Variants in WDR76 observed in about 807,000 individuals in gnomAD.
WDR76 encodes the protein WD repeat-containing protein 76.
Under a neutral mutation model 70.2 loss-of-function variants are expected in WDR76, and 52 were observed. That is an observed-to-expected ratio of 0.74 (90% CI 0.59 to 0.93). The LOEUF (loss-of-function observed/expected upper bound fraction) is 0.93. Among genes scored for constraint, WDR76 ranks in the 40% least tolerant of loss-of-function variants. WDR76 has a pLI of 0.00. For missense variants in WDR76, 756 were observed against 760.2 expected (o/e 0.99, Z 0.07); for synonymous variants, 292 against 271.1 (o/e 1.08, Z -0.76).
intron 11 of WDR76, among the ~76,000 whole-genome samples, chr15:43,859,820 A>G (rs920122211): frequency 2.6e-5 from 4 of 152,240 alleles, no homozygotes. Flanking sequence ...TATTTAGGCA[A>G]TAAACTCTAG....
At chr15:43,850,488 G>C (rs2930533) in intron 8 of WDR76, among the ~76,000 whole-genome samples, 1 of 151,310 alleles carries the variant, frequency 6.6e-6, no homozygotes, top group African/African-American at 2.4e-5. Context: ...GTAGAGATGG[G>C]GTTTCACCAT....
At chr15:43,827,567 T>C (rs949548106) in intron 1 of WDR76, among the ~76,000 whole-genome samples, 2 of 152,164 alleles carry the variant, frequency 1.3e-5, no homozygotes, top group African/African-American at 4.8e-5. Context: ...TTTTTTGAGC[T>C]TAAGTCTCAC....
chr15:43,857,129 G>A lies in WDR76; in HGVS notation c.1375G>A (p.Val459Met). ...AATAAGAACTGTTCATGTCCACCCA[G>A]TGCATAGACAGTATTTTATCACTGC... ...GKIRTVHVHP[V>M]HRQYFITAGL... The change falls in exon 10 of 13, where the codon GTG (valine) becomes ATG (methionine). Residue 459 changes from valine to methionine, a missense_variant. Transcript: ENST00000263795. The A allele has an allele frequency of 1.9e-6, 3 of 1,613,948 alleles. No individual in the cohort carries two copies. Among genetic ancestry groups the A allele is most frequent in the Non-Finnish European group, 2.5e-6 (3 of 1,179,952 alleles).
At chr15:43,844,171 T>C (rs2087759018) in intron 8 of WDR76, 117 bp downstream of exon 8, 2 of 826,936 alleles carry the variant, frequency 2.4e-6, no homozygotes, top group Non-Finnish European at 3.4e-6. Flanking sequence ...TTTTGGGCTT[T>C]ATGATGCTTT....
In WDR76 at chr15:43,835,123, C is replaced by CT; in HGVS notation, c.531dup (p.Ala178CysfsTer7). On this transcript the variant is annotated frameshift_variant, in exon 3 of 13. Coordinates refer to ENST00000263795, the MANE Select transcript of WDR76 (RefSeq NM_024908.4). LOFTEE classifies it high-confidence loss of function. ...TGAAGAACATATCAGAAAACGCAGACTTTTTTGCTTCTCTTCAGTTGTCTG... is the reference window on the plus strand; with the variant it reads ...TGAAGAACATATCAGAAAACGCAGACTTTTTTTGCTTCTCTTCAGTTGTCTG... 1 of 1,613,996 alleles carries CT rather than the reference C, an allele frequency of 6.2e-7. No homozygotes were observed. The highest frequency in any genetic ancestry group is 8.5e-7 in the Non-Finnish European group (1 of 1,179,982).
chr15:43,850,625 T>C (rs909192784), intron 8 of WDR76, among the ~76,000 whole-genome samples: 1 of 152,138 alleles, frequency 6.6e-6, no homozygotes, highest in Non-Finnish European at 1.5e-5. Context: ...GGACAAAGTA[T>C]GTTTAAAACC....
At chr15:43,847,179 C>T (rs2087799678) in intron 8 of WDR76, among the ~76,000 whole-genome samples, 4 of 152,114 alleles carry the variant, frequency 2.6e-5, no homozygotes, top group Admixed American at 2.6e-4. Context: ...ACAATTTCCC[C>T]AGTTTTTTTA....
In WDR76 at chr15:43,858,782, T is replaced by C; in HGVS notation, c.1521T>C (p.Thr507=). The change falls in exon 11 of 13, where the codon ACT becomes ACC. Residue 507 remains threonine (T), a synonymous_variant. Transcript: ENST00000263795. The part of the protein sequence containing the change: ...SIASAYFSPL[T]GNRVVTTCAD... ...CTTCCGCCTATTTTTCACCTCTTACTGGTAACAGAGTGGTGACCACATGTG... is the reference window on the plus strand; with the variant it reads ...CTTCCGCCTATTTTTCACCTCTTACCGGTAACAGAGTGGTGACCACATGTG... The C allele has an allele frequency of 9.9e-6, 16 of 1,614,198 alleles. No homozygotes were observed. The highest frequency in any genetic ancestry group is 1.4e-5 in the Non-Finnish European group (16 of 1,180,024).
At position 43,827,995 on chromosome 15, in the gene WDR76, G is replaced by A. The variant is rs550840514; in HGVS notation, c.91G>A (p.Ala31Thr). 8 of 1,607,654 alleles carry A rather than the reference G, an allele frequency of 5.0e-6. No individual in the cohort carries two copies. The highest frequency in any genetic ancestry group is 2.7e-5 in the African/African-American group (2 of 74,574). Residue 31 changes from alanine (A) to threonine (T), a missense_variant, in exon 2 of 13, where the codon GCT becomes ACT. By Grantham distance (58) the Ala-to-Thr change is moderately conservative (BLOSUM62 0). Transcript: ENST00000263795. ...VNEYKENQNIAYVSLRPAQTT... is the reference protein window; with the variant it reads ...VNEYKENQNITYVSLRPAQTT... ...TGAATATAAAGAAAATCAAAACATC[G>A]CTTATGTGTCTCTGAGACCAGCACA...
At position 43,861,865 on chromosome 15, in the gene WDR76, G is replaced by A. The variant is rs572908343; in HGVS notation, c.1616+479G>A. On this transcript the variant is annotated intron_variant, in intron 12 of 12. Coordinates refer to ENST00000263795, the MANE Select transcript of WDR76 (RefSeq NM_024908.4). The stretch of plus-strand genomic sequence containing the variant: ...TTTTTTTTTTTTTTTGAGATGGAGT[G>A]TCACTCTGTTGCCTAGGCTGGAGTG... Among the ~76,000 whole-genome samples, 4 of 129,358 alleles carry A rather than the reference G, an allele frequency of 3.1e-5. No individual in the cohort carries two copies. The East Asian group carries it at 9.6e-4, about 31-fold the overall frequency. 84.9% of individuals were successfully genotyped at this position (129,358 alleles called of 152,430 possible). A position where few individuals can be genotyped will look rare whatever the true frequency, so the allele number is the denominator to read the frequency against.
chr15:43,838,482 G>A (rs922978207), intron 4 of WDR76, among the ~76,000 whole-genome samples: 8 of 152,166 alleles, frequency 5.3e-5, no homozygotes, highest in Admixed American at 4.6e-4. Flanking sequence ...CACTGTGCCT[G>A]GCTATTGATT....
At position 43,843,884 on chromosome 15, in the gene WDR76, CT is replaced by C; in HGVS notation, c.879-14del. On this transcript the variant is annotated splice_polypyrimidine_tract_variant and intron_variant, in intron 7 of 12. Coordinates refer to ENST00000263795, the MANE Select transcript of WDR76 (RefSeq NM_024908.4). ...GATTGGTTTTACTTACAAAATTTAA[CT>C]TTGTAATTTTCTTAGCTACAAAGCC... 6.5e-7 allele frequency: 1 copy of C among 1,536,282 alleles called. No individual in the cohort carries two copies. Among genetic ancestry groups the C allele is most frequent in the Non-Finnish European group, 8.8e-7 (1 of 1,140,174 alleles).
chr15:43,850,077 C>T (rs1228538264), intron 8 of WDR76, among the ~76,000 whole-genome samples: 6 of 151,878 alleles, frequency 4.0e-5, no homozygotes, highest in African/African-American at 7.3e-5. Flanking sequence ...AATGCTTGAC[C>T]ATTTCAGAGT....
intron 8 of WDR76, among the ~76,000 whole-genome samples, chr15:43,847,736 T>A (rs1280502012): frequency 6.6e-6 from 1 of 152,116 alleles, no homozygotes; most frequent in Non-Finnish European, 1.5e-5. Flanking sequence ...TTTGTATTTT[T>A]TGTAGAGATG....
In WDR76 at chr15:43,861,386, G is replaced by T. The variant is rs775097071; in HGVS notation, c.1616G>T (p.Arg539Met). 6.2e-7 allele frequency: 1 copy of T among 1,613,502 alleles called. No individual in the cohort carries two copies. Among genetic ancestry groups the T allele is most frequent in the Non-Finnish European group, 8.5e-7 (1 of 1,179,576 alleles). ...SSKIPLLTTIRHNTFTGRWLT... is the reference protein window; with the variant it reads ...SSKIPLLTTIMHNTFTGRWLT... ...AAGATTCCGCTCCTCACCACCATCA[G>T]GTAGGCTTCTATATGCCAAATAATG... The change falls in exon 12 of 13, where the codon AGG (arginine) becomes ATG (methionine). Residue 539 changes from arginine to methionine, a missense_variant and splice_region_variant. Physicochemically the swap from Arg to Met is moderately conservative, Grantham distance 91. Transcript: ENST00000263795.
At chr15:43,854,104 G>T (rs2087898534) in intron 9 of WDR76, among the ~76,000 whole-genome samples, 1 of 152,206 alleles carries the variant, frequency 6.6e-6, no homozygotes, top group Non-Finnish European at 1.5e-5. Flanking sequence ...TTGAGAATTG[G>T]TATGTGAAAT....
At chr15:43,848,565 C>G (rs1287602528) in intron 8 of WDR76, among the ~76,000 whole-genome samples, 1 of 152,176 alleles carries the variant, frequency 6.6e-6, no homozygotes, top group Non-Finnish European at 1.5e-5. Flanking sequence ...AACTGATTGT[C>G]TTCAAAGGAA....
At chr15:43,839,779 T>A (rs573848876) in intron 5 of WDR76, 51 bp downstream of exon 5, 1 of 1,523,806 alleles carries the variant, frequency 6.6e-7, no homozygotes, top group South Asian at 1.3e-5. Context: ...TACTGAAAAA[T>A]TTGAAGTGTT....
chr15:43,862,276 C>CTTTTTTTTTTTTTT, intron 12 of WDR76, among the ~76,000 whole-genome samples: 15 of 42,034 alleles, frequency 3.6e-4, no homozygotes, highest in East Asian at 1.4e-3. Flanking sequence ...TTATCAGTTT[C>CTTTTTTTTTTTTTT]TTTTTTTTTT....
Sources: allele counts gnomAD v4.1 joint callset (sites outside exome capture counted in the v4.1 genomes callset), GRCh38; gene constraint gnomAD v4.1.1; transcripts MANE v1.5; gene names NCBI Gene and HGNC (gene_info 2026-07-23, HGNC 2026-07-21).